The following CATSPERB variants were observed in gnomAD, a reference collection of about 807,000 sequenced individuals.
CATSPERB encodes catsper channel auxiliary subunit beta, also known as cation channel sperm-associated auxiliary subunit beta.
CATSPERB carries 93 observed loss-of-function variants against 128.3 expected under a neutral mutation model. The ratio of observed to expected loss-of-function variants is 0.72; its 90% CI spans 0.61 to 0.86. The LOEUF (loss-of-function observed/expected upper bound fraction) is 0.86, where lower values mean the gene tolerates loss of function less well. Among genes scored for constraint, CATSPERB ranks in the 40% least tolerant of loss-of-function variants. CATSPERB has a pLI of 0.00. For missense variants in CATSPERB, 1,153 were observed against 1,329.5 expected, an observed-to-expected ratio of 0.87 and a Z score of 2.06; for synonymous variants, 381 against 448.8, an observed-to-expected ratio of 0.85 and a Z score of 1.91.
intron 17 of CATSPERB, among the ~76,000 whole-genome samples, chr14:91,629,597 G>A (rs1322464203): frequency 6.6e-6 from 1 of 152,186 alleles, no homozygotes; most frequent in Non-Finnish European, 1.5e-5. Flanking sequence ...TGTGGATAGT[G>A]GGGAAGGTTT....
chr14:91,685,379 T>G lies in CATSPERB; in HGVS notation c.865-1436A>C, dbSNP rs182275295. On this transcript the variant is annotated intron_variant, in intron 10 of 26. Transcript: ENST00000256343. ...TTGAGGTCCAGAGAGTTATACAACT[T>G]GTTCAAAATTTTATGTTACATGGCT... Among the ~76,000 whole-genome samples the G allele has an allele frequency of 2.6e-5, 4 of 152,326 alleles. No individual in the cohort carries two copies. The East Asian group carries it at 7.7e-4, about 29-fold the overall frequency.
At chr14:91,632,548 A>G (rs1894298275) in intron 17 of CATSPERB, among the ~76,000 whole-genome samples, 1 of 152,186 alleles carries the variant, frequency 6.6e-6, no homozygotes, top group Non-Finnish European at 1.5e-5. Context: ...TGTACCTAAT[A>G]ACAATCTCAA....
intron 11 of CATSPERB, among the ~76,000 whole-genome samples, chr14:91,678,198 C>T (rs961746316): frequency 7.2e-5 from 11 of 151,812 alleles, no homozygotes; most frequent in African/African-American, 2.2e-4. Context: ...ACCTATGTAA[C>T]GAGCCTACAC....
At chr14:91,647,885 G>A (rs142163557) in intron 15 of CATSPERB, among the ~76,000 whole-genome samples, 1 of 152,092 alleles carries the variant, frequency 6.6e-6, no homozygotes, top group African/African-American at 2.4e-5. Context: ...AGCTTTTCAG[G>A]TTATCAATTT....
intron 5 of CATSPERB, among the ~76,000 whole-genome samples, chr14:91,714,219 T>C (rs913473715): frequency 4.0e-5 from 6 of 148,632 alleles, no homozygotes; most frequent in South Asian, 4.2e-4. Context: ...AAGGATGTCC[T>C]CTCTTACTAT....
At chr14:91,689,231 C>T (rs1167948983) in intron 10 of CATSPERB, among the ~76,000 whole-genome samples, 2 of 152,178 alleles carry the variant, frequency 1.3e-5, no homozygotes, top group South Asian at 2.1e-4. Flanking sequence ...CCTAGGATTT[C>T]GCGGAGCTCT....
At chr14:91,671,999 A>G (rs61990424) in intron 13 of CATSPERB, among the ~76,000 whole-genome samples, 15,844 of 150,886 alleles carry the variant, frequency 0.11, 902 homozygotes, top group Middle Eastern at 0.16. Context: ...CAGCCTGGGC[A>G]ACAGAGGGAG....
At chr14:91,708,302 G>C (rs1895771762) in intron 5 of CATSPERB, 66 bp from the exon 6 acceptor site, 2 of 1,047,060 alleles carry the variant, frequency 1.9e-6, no homozygotes, top group Non-Finnish European at 2.9e-6. Context: ...GAAATTTAAG[G>C]ATATGTGAAC....
At chr14:91,725,698 G>A (rs1896109306) in intron 2 of CATSPERB, among the ~76,000 whole-genome samples, 2 of 152,194 alleles carry the variant, frequency 1.3e-5, no homozygotes, top group African/African-American at 4.8e-5. Flanking sequence ...ATTTGGTGGA[G>A]AGAACAGGAT....
rs186814051 is a variant in CATSPERB, at chr14:91,650,816, G to T, written c.1432+9021C>A. ...CATCACTAGAAATCCCTACAATTTTGCAGTTCCTGAATCTTTAGCATCTAT... is the reference window on the plus strand; with the variant it reads ...CATCACTAGAAATCCCTACAATTTTTCAGTTCCTGAATCTTTAGCATCTAT... On this transcript the variant is annotated intron_variant, in intron 15 of 26. Transcript: ENST00000256343. Among the ~76,000 whole-genome samples the T allele has an allele frequency of 3.2e-3, 493 of 151,982 alleles. 1 individual carries two copies. Among genetic ancestry groups the T allele is most frequent in the African/African-American group, 0.011 (469 of 41,460 alleles).
chr14:91,654,141 G>C (rs192820478), intron 15 of CATSPERB, among the ~76,000 whole-genome samples: 1 of 152,324 alleles, frequency 6.6e-6, no homozygotes, highest in East Asian at 1.9e-4. Context: ...GGATTATAGA[G>C]AGGAGGCAGA....
At chr14:91,629,293 C>A (rs148112889) in intron 17 of CATSPERB, among the ~76,000 whole-genome samples, 182 of 152,256 alleles carry the variant, frequency 1.2e-3, no homozygotes, top group African/African-American at 4.2e-3. Flanking sequence ...CGGTATGATT[C>A]AAACTATATG....
At chr14:91,677,532 G>A (rs760158986) in intron 11 of CATSPERB, among the ~76,000 whole-genome samples, 1 of 152,198 alleles carries the variant, frequency 6.6e-6, no homozygotes, top group Non-Finnish European at 1.5e-5. Flanking sequence ...CTGTCAGAAT[G>A]GTGATTATTA....
intron 26 of CATSPERB, 54 bp downstream of exon 26, chr14:91,587,148 G>T: frequency 2.1e-6 from 3 of 1,406,480 alleles, no homozygotes; most frequent in Non-Finnish European, 2.9e-6. Flanking sequence ...AATTGGTTTT[G>T]TCATGTTTTT....
chr14:91,677,238 T>C (rs1232593827), intron 11 of CATSPERB, among the ~76,000 whole-genome samples: 2 of 152,126 alleles, frequency 1.3e-5, no homozygotes, highest in African/African-American at 4.8e-5. Flanking sequence ...CTAATTAAAC[T>C]AAAGAGCTTC....
chr14:91,641,388 T>C (rs1408628570), intron 15 of CATSPERB, among the ~76,000 whole-genome samples: 2 of 151,430 alleles, frequency 1.3e-5, no homozygotes, highest in African/African-American at 4.8e-5. Flanking sequence ...TTTAAATCTT[T>C]AATCCATCTT....
chr14:91,700,705 C>T (rs1458752720), intron 7 of CATSPERB, among the ~76,000 whole-genome samples: 1 of 152,126 alleles, frequency 6.6e-6, no homozygotes, highest in Non-Finnish European at 1.5e-5. Flanking sequence ...GGCCATTATC[C>T]TAAGTGAATT....
intron 26 of CATSPERB, among the ~76,000 whole-genome samples, chr14:91,585,301 C>T (rs1037673292): frequency 6.6e-6 from 1 of 152,168 alleles, no homozygotes; most frequent in Admixed American, 6.5e-5. Context: ...TTTCCCCATA[C>T]CAGTCTTTTT....
intron 22 of CATSPERB, among the ~76,000 whole-genome samples, chr14:91,606,936 A>G (rs1893716378): frequency 1.6e-5 from 1 of 61,870 alleles, no homozygotes; most frequent in African/African-American, 5.0e-5. Context: ...ATATTTCAGT[A>G]GAGGAGGTGG....
Sources: gnomAD v4.1 joint callset for allele counts (sites outside exome capture counted in the v4.1 genomes callset) on GRCh38, gnomAD v4.1.1 for gene constraint, MANE v1.5 for transcripts, NCBI Gene and HGNC (gene_info 2026-07-23, HGNC 2026-07-21) for gene names.